SENP7: variants seen among roughly 807,000 people sequenced by gnomAD.
The protein encoded by SENP7 is sentrin-specific protease 7.
A neutral mutation model predicts 141.2 loss-of-function variants in SENP7; 64 were observed. That is an observed-to-expected ratio of 0.45 (90% CI 0.37 to 0.56). The LOEUF (loss-of-function observed/expected upper bound fraction) is 0.56, where lower values mean the gene tolerates loss of function less well. Ranked by LOEUF, SENP7 falls within the 20% of genes least tolerant of loss-of-function variation. The pLI is 0.00. For missense variants in SENP7, 1,025 were observed against 1,212.2 expected (o/e 0.85, Z 2.29); for synonymous variants, 382 against 426.4 (o/e 0.90, Z 1.28).
intron 5 of SENP7, among the ~76,000 whole-genome samples, chr3:101,408,265 G>A (rs925012584): frequency 6.6e-6 from 1 of 152,038 alleles, no homozygotes; most frequent in African/African-American, 2.4e-5. Flanking sequence ...CCAATAACAA[G>A]CAGTGAGATT....
chr3:101,367,337 C>T (rs1039535760), intron 8 of SENP7, among the ~76,000 whole-genome samples: 1 of 151,940 alleles, frequency 6.6e-6, no homozygotes, highest in Non-Finnish European at 1.5e-5. Flanking sequence ...TATACTAAGT[C>T]TTTGAAAATA....
At chr3:101,471,483 C>T (rs973702367) in intron 3 of SENP7, among the ~76,000 whole-genome samples, 1 of 152,152 alleles carries the variant, frequency 6.6e-6, no homozygotes, top group African/African-American at 2.4e-5. Flanking sequence ...CTTCCTGACA[C>T]CTTATACAAA....
At chr3:101,392,400 C>T (rs2060841057) in intron 6 of SENP7, among the ~76,000 whole-genome samples, 1 of 151,966 alleles carries the variant, frequency 6.6e-6, no homozygotes, top group Admixed American at 6.6e-5. Flanking sequence ...TAGCATATAC[C>T]AGCAACGAAC....
At chr3:101,453,597 T>C (rs1462424987) in intron 4 of SENP7, among the ~76,000 whole-genome samples, 1 of 151,830 alleles carries the variant, frequency 6.6e-6, no homozygotes. Flanking sequence ...ACCATCATTC[T>C]CAGTAAACTA....
At chr3:101,377,884 T>A (rs1418227106) in intron 6 of SENP7, among the ~76,000 whole-genome samples, 1 of 152,166 alleles carries the variant, frequency 6.6e-6, no homozygotes, top group Non-Finnish European at 1.5e-5. Context: ...ACTTGTAAAG[T>A]TAACAGGCCA....
chr3:101,331,965 A>G lies in SENP7; in HGVS notation c.2698+20T>C. ...TATTGTCATCATTATTAAAAACACC[A>G]TCTACGTTATGGATGTCACCTATTG... On this transcript the variant is annotated intron_variant, in intron 19 of 23. Transcript: ENST00000394095. 1.2e-6 allele frequency: 2 copies of G among 1,610,476 alleles called. No homozygotes were observed. Among genetic ancestry groups the G allele is most frequent in the Non-Finnish European group, 1.7e-6 (2 of 1,177,644 alleles).
intron 4 of SENP7, among the ~76,000 whole-genome samples, chr3:101,436,449 GT>G (rs1409066307): frequency 1.3e-5 from 2 of 152,086 alleles, no homozygotes; most frequent in Non-Finnish European, 2.9e-5. Context: ...AAAAGCTTCT[GT>G]ACATGAAAGG....
At chr3:101,511,142 A>G (rs762295154) in intron 1 of SENP7, among the ~76,000 whole-genome samples, 35 of 152,206 alleles carry the variant, frequency 2.3e-4, no homozygotes, top group Admixed American at 4.6e-4. Context: ...TCCAAAAGAG[A>G]GATCACGAGA....
chr3:101,503,718 G>A (rs2065480012), intron 1 of SENP7, among the ~76,000 whole-genome samples: 2 of 152,258 alleles, frequency 1.3e-5, no homozygotes, highest in South Asian at 4.1e-4. Flanking sequence ...GGCTGAGGTG[G>A]GTAGATCGCT....
intron 1 of SENP7, among the ~76,000 whole-genome samples, chr3:101,511,657 T>C (rs555104855): frequency 2.0e-5 from 3 of 152,288 alleles, no homozygotes; most frequent in African/African-American, 7.2e-5. Flanking sequence ...ATCGATAACA[T>C]TGGTTGCATA....
intron 3 of SENP7, among the ~76,000 whole-genome samples, chr3:101,479,892 CA>C (rs1168285268): frequency 2.2e-3 from 16 of 7,346 alleles, no homozygotes; most frequent in African/African-American, 9.1e-3. Flanking sequence ...ACAACAGCTA[CA>C]AAAAAAAAAA....
At chr3:101,381,994 C>T (rs2060515516) in intron 6 of SENP7, among the ~76,000 whole-genome samples, 1 of 152,014 alleles carries the variant, frequency 6.6e-6, no homozygotes. Context: ...AAAAATGAAA[C>T]CTCCTCCACT....
intron 4 of SENP7, among the ~76,000 whole-genome samples, chr3:101,440,859 A>G (rs1291283077): frequency 6.6e-6 from 1 of 152,226 alleles, no homozygotes; most frequent in Non-Finnish European, 1.5e-5. Flanking sequence ...ATATATGAAA[A>G]TGAATTTATC....
rs1223562000 is a variant in SENP7 at position 101,348,104 on chromosome 3, C to T, written c.1658-53G>A. Reference sequence around the variant, plus strand: ...AAAAATTAATCCATTTAAGAATACACCACTTAAACATTATATGACACTTGT... The same window carrying T: ...AAAAATTAATCCATTTAAGAATACATCACTTAAACATTATATGACACTTGT... On this transcript the variant is annotated intron_variant, in intron 12 of 23. Coordinates refer to ENST00000394095, the MANE Select transcript of SENP7 (RefSeq NM_020654.5). The T allele has an allele frequency of 4.1e-6, 5 of 1,220,578 alleles. No homozygotes were observed. The African/African-American group carries it at 6.1e-5, about 15-fold the overall frequency. The allele number at this position is 1,220,578 out of a possible 1,614,324, so 75.6% of individuals were successfully genotyped here. A position where few individuals can be genotyped will look rare whatever the true frequency, so the allele number is the denominator to read the frequency against.
intron 5 of SENP7, among the ~76,000 whole-genome samples, chr3:101,410,448 A>C (rs1475418120): frequency 6.6e-6 from 1 of 152,220 alleles, no homozygotes; most frequent in Non-Finnish European, 1.5e-5. Context: ...GAGGAAAGGA[A>C]GTATAGGAAA....
intron 6 of SENP7, among the ~76,000 whole-genome samples, chr3:101,382,934 G>A (rs987022515): frequency 6.6e-6 from 1 of 152,156 alleles, no homozygotes; most frequent in African/African-American, 2.4e-5. Flanking sequence ...ATTACAAAGA[G>A]TCAATACCTT....
chr3:101,384,600 C>T (rs771885024), intron 6 of SENP7, among the ~76,000 whole-genome samples: 2 of 152,224 alleles, frequency 1.3e-5, no homozygotes, highest in Non-Finnish European at 2.9e-5. Flanking sequence ...CCACCACAGC[C>T]GACATGCCTG....
At chr3:101,374,844 G>C (rs937491641) in intron 6 of SENP7, among the ~76,000 whole-genome samples, 1 of 150,572 alleles carries the variant, frequency 6.6e-6, no homozygotes, top group African/African-American at 2.4e-5. Flanking sequence ...CACAGAATGG[G>C]AGAAAATATC....
chr3:101,348,002 C>T lies in SENP7; in HGVS notation c.1707G>A (p.Arg569=). Residue 569 remains arginine (R), a synonymous_variant, in exon 13 of 24, where the codon CGG becomes CGA. Transcript: ENST00000394095. ...CATCCTTACTTTTCCATAACCCAAA[C>T]CGCTTTAAATGTGTGGTATCCACTA... The part of the protein sequence containing the change: ...SLLVDTTHLK[R]FGLWKSKDDN... 6.2e-7 allele frequency: 1 copy of T among 1,611,370 alleles called. No individual in the cohort carries two copies. Among genetic ancestry groups the T allele is most frequent in the Non-Finnish European group, 8.5e-7 (1 of 1,178,662 alleles).
Sources: gnomAD v4.1 joint callset for allele counts (sites outside exome capture counted in the v4.1 genomes callset) on GRCh38, gnomAD v4.1.1 for gene constraint, MANE v1.5 for transcripts, NCBI Gene and HGNC (gene_info 2026-07-23, HGNC 2026-07-21) for gene names.